Variants in TRIM5 observed in about 807,000 individuals in gnomAD.
TRIM5 encodes tripartite motif-containing protein 5.
A neutral mutation model predicts 35.6 loss-of-function variants in TRIM5; 31 were observed. That is an observed-to-expected ratio of 0.87 (90% CI 0.65 to 1.18). TRIM5 has a LOEUF of 1.18. Among genes scored for constraint, TRIM5 ranks in the 50% most tolerant of loss-of-function variants. TRIM5 has a pLI of 0.00. For missense variants in TRIM5, 609 were observed against 591.6 expected (o/e 1.03, Z -0.31); for synonymous variants, 243 against 215.6 (o/e 1.13, Z -1.11).
the TRIM5 span, among the ~76,000 whole-genome samples, chr11:5,647,575 T>C: frequency 6.6e-6 from 1 of 152,000 alleles, no homozygotes; most frequent in Non-Finnish European, 1.5e-5. Context: ...CAAGCTGGAG[T>C]TCAGTGGTGC....
At chr11:5,607,767 T>G in the TRIM5 span, among the ~76,000 whole-genome samples, 1 of 152,130 alleles carries the variant, frequency 6.6e-6, no homozygotes, top group South Asian at 2.1e-4. Context: ...GAGACAAGAG[T>G]TGCCGAACTA....
At chr11:5,657,956 C>A in the TRIM5 span, among the ~76,000 whole-genome samples, 9 of 151,822 alleles carry the variant, frequency 5.9e-5, no homozygotes, top group South Asian at 4.1e-4. Context: ...TTTTCCCATT[C>A]AGAATGACAG....
chr11:5,602,153 A>C, the TRIM5 span, among the ~76,000 whole-genome samples: 1 of 152,226 alleles, frequency 6.6e-6, no homozygotes, highest in Non-Finnish European at 1.5e-5. Flanking sequence ...TGTAAGAAGT[A>C]AAATAGACCG....
chr11:5,672,235 A>T (rs1257003923), intron 4 of TRIM5, among the ~76,000 whole-genome samples: 1 of 152,140 alleles, frequency 6.6e-6, no homozygotes, highest in Non-Finnish European at 1.5e-5. Context: ...TTTTTGAGAC[A>T]GAGTCTGACT....
intron 1 of TRIM5, among the ~76,000 whole-genome samples, chr11:5,682,686 A>T (rs1852586099): frequency 6.6e-6 from 1 of 152,002 alleles, no homozygotes; most frequent in Non-Finnish European, 1.5e-5. Flanking sequence ...TTAACATATC[A>T]CTAGAGTGTT....
chr11:5,637,982 A>G, the TRIM5 span, among the ~76,000 whole-genome samples: 1 of 152,238 alleles, frequency 6.6e-6, no homozygotes, highest in African/African-American at 2.4e-5. Flanking sequence ...CTTGCAAGAA[A>G]GACTAGCATG....
the TRIM5 span, chr11:5,610,003 C>A: frequency 1.3e-6 from 1 of 759,396 alleles, no homozygotes; most frequent in Non-Finnish European, 2.1e-6. Flanking sequence ...GGCTCCAGTG[C>A]CAGGGCTGTT....
the TRIM5 span, chr11:5,611,015 C>T: frequency 1.2e-6 from 2 of 1,614,182 alleles, no homozygotes; most frequent in Non-Finnish European, 1.7e-6. Context: ...GACCTACATT[C>T]TCTTTCAACC....
the TRIM5 span, chr11:5,603,700 A>G: frequency 6.2e-7 from 1 of 1,613,484 alleles, no homozygotes; most frequent in Non-Finnish European, 8.5e-7. Flanking sequence ...TGGTCACCAC[A>G]CGTTCCTCGT....
chr11:5,670,697 C>G (rs557809296), intron 4 of TRIM5, among the ~76,000 whole-genome samples: 1 of 152,266 alleles, frequency 6.6e-6, no homozygotes, highest in East Asian at 1.9e-4. Flanking sequence ...ATAGATTCAT[C>G]AGGAGACGAC....
the TRIM5 span, among the ~76,000 whole-genome samples, chr11:5,648,937 G>A: frequency 6.6e-6 from 1 of 152,204 alleles, no homozygotes; most frequent in Non-Finnish European, 1.5e-5. Flanking sequence ...TTGTCCTCAA[G>A]AAGTTTACAT....
chr11:5,676,415 C>T (rs1270067186), intron 4 of TRIM5, among the ~76,000 whole-genome samples: 1 of 152,140 alleles, frequency 6.6e-6, no homozygotes, highest in African/African-American at 2.4e-5. Context: ...TGAAGGACTT[C>T]TTCAAGGAGA....
chr11:5,680,131 G>A lies in TRIM5; in HGVS notation c.47C>T (p.Pro16Leu), dbSNP rs1213884539. 1 of 1,613,636 alleles carries A rather than the reference G, an allele frequency of 6.2e-7. No homozygotes were observed. Among genetic ancestry groups the A allele is most frequent in the Admixed American group, 1.7e-5 (1 of 59,962 alleles). The change falls in exon 2 of 8, where the codon CCC (proline) becomes CTC (leucine). Residue 16 changes from proline (P) to leucine (L), a missense_variant. Transcript: ENST00000380034. ...TTGTGTCAGGAGTTCCAGGCAGATG[G>A]GGCAGGTCACCTCCTCCTTTACATT... ...LVNVKEEVTC[P>L]ICLELLTQPL...
chr11:5,619,984 G>A, the TRIM5 span: 1 of 151,592 alleles, frequency 6.6e-6, no homozygotes, highest in Non-Finnish European at 1.5e-5. Flanking sequence ...ACAGGTGTGA[G>A]CCACTGCGCC....
At chr11:5,661,391 G>C (rs1180920515), downstream of TRIM5, among the ~76,000 whole-genome samples, 1 of 151,970 alleles carries the variant, frequency 6.6e-6, no homozygotes, top group African/African-American at 2.4e-5. Context: ...TAGCCCCTAC[G>C]AACTCTCATT....
chr11:5,651,797 C>T, the TRIM5 span, among the ~76,000 whole-genome samples: 165 of 152,282 alleles, frequency 1.1e-3, no homozygotes, highest in African/African-American at 3.8e-3. Flanking sequence ...GCAACCTCAC[C>T]AGCATCTATT....
the TRIM5 span, among the ~76,000 whole-genome samples, chr11:5,641,709 T>TCTC: frequency 5.9e-5 from 9 of 152,190 alleles, no homozygotes; most frequent in Admixed American, 2.6e-4. Flanking sequence ...TGATAATTAA[T>TCTC]CTCTGCCAGT....
At chr11:5,601,137 A>G in the TRIM5 span, among the ~76,000 whole-genome samples, 2 of 152,172 alleles carry the variant, frequency 1.3e-5, no homozygotes, top group African/African-American at 2.4e-5. Context: ...GCCCTGGCAA[A>G]ATCCCATCAT....
chr11:5,665,203 A>G lies in TRIM5; in HGVS notation c.1088T>C (p.Val363Ala). Reference sequence around the variant, plus strand: ...CCAAGCAGTTTTCTTGGACACGTCTACCTCCCAGTAATGTTTCCCTGATGT... The same window carrying G: ...CCAAGCAGTTTTCTTGGACACGTCTGCCTCCCAGTAATGTTTCCCTGATGT... Reference protein sequence around the residue: ...SITSGKHYWEVDVSKKTAWIL... With the variant: ...SITSGKHYWEADVSKKTAWIL... Residue 363 changes from valine (V) to alanine (A), a missense_variant, in exon 8 of 8, where the codon GTA (valine) becomes GCA (alanine). Physicochemically the swap from Val to Ala is moderately conservative, Grantham distance 64. Transcript: ENST00000380034. 6.2e-7 allele frequency: 1 copy of G among 1,614,038 alleles called. No individual in the cohort carries two copies. The highest frequency in any genetic ancestry group is 8.5e-7 in the Non-Finnish European group (1 of 1,179,984).
Sources: gnomAD v4.1 joint callset for allele counts (sites outside exome capture counted in the v4.1 genomes callset) on GRCh38, gnomAD v4.1.1 for gene constraint, MANE v1.5 for transcripts, NCBI Gene and HGNC (gene_info 2026-07-23, HGNC 2026-07-21) for gene names.